EPHA10: variants seen among roughly 807,000 people sequenced by gnomAD.
EPHA10 encodes EPH receptor A10.
Under a neutral mutation model 109.7 loss-of-function variants are expected in EPHA10, and 120 were observed. That is an observed-to-expected ratio of 1.09 (90% CI 0.94 to 1.27). The LOEUF (loss-of-function observed/expected upper bound fraction) is 1.27. Among genes scored for constraint, EPHA10 ranks in the 50% most tolerant of loss-of-function variants. The pLI, the probability that EPHA10 is intolerant of heterozygous loss-of-function variation, is 0.00. For synonymous variants in EPHA10, 640 were observed against 618.9 expected (o/e 1.03, Z -0.51); for missense variants, 1,396 against 1,411.1 (o/e 0.99, Z 0.17).
chr1:37,727,253 C>T (rs548590064), intron 7 of EPHA10, 43 bp from the exon 8 acceptor site: 8 of 1,522,746 alleles, frequency 5.3e-6, no homozygotes, highest in South Asian at 2.5e-5. Context: ...GAGGACCAGG[C>T]TCCTAGGCAA....
chr1:37,718,194 GA>G lies in EPHA10; in HGVS notation c.*177del. The G allele has an allele frequency of 3.2e-6, 2 of 617,610 alleles. No homozygotes were observed. Among genetic ancestry groups the G allele is most frequent in the Non-Finnish European group, 2.9e-6 (1 of 348,040 alleles). The allele number at this position is 617,610 out of a possible 1,614,324, so 38.3% of individuals were successfully genotyped here. A position where few individuals can be genotyped will look rare whatever the true frequency, so the allele number is the denominator to read the frequency against. ...AGTTAGCCAAGGCGTTCAGACTCGT[GA>G]AAATGGGAGGGGCAGGCAGTGAAAG... On this transcript the variant is annotated 3_prime_UTR_variant, in exon 17 of 17. Coordinates refer to ENST00000373048, the MANE Select transcript of EPHA10 (RefSeq NM_001099439.2).
In EPHA10 at chr1:37,715,982, A is replaced by T. The variant is rs764537586; in HGVS notation, c.*2390T>A. On this transcript the variant is annotated 3_prime_UTR_variant, in exon 17 of 17. Transcript: ENST00000373048. ...CACTCAAAGAGGCACCATATCACAG[A>T]CAAGTTTTTATTATCCTGCATAGAG... 6.8e-6 allele frequency: 4 copies of T among 587,774 alleles called. No individual in the cohort carries two copies. The highest frequency in any genetic ancestry group is 1.3e-5 in the Non-Finnish European group (4 of 302,590). 36.4% of individuals were successfully genotyped at this position (587,774 alleles called of 1,614,324 possible). A position where few individuals can be genotyped will look rare whatever the true frequency, so the allele number is the denominator to read the frequency against.
In EPHA10 at chr1:37,716,250, A is replaced by G; in HGVS notation, c.*2122T>C. ...GACCTCACTCCTCAGTGGAGGGGAG[A>G]TCTACCCTGGACACCGAAGTCCTGC... On this transcript the variant is annotated 3_prime_UTR_variant, in exon 17 of 17. Transcript: ENST00000373048. 1 of 292,164 alleles carries G rather than the reference A, an allele frequency of 3.4e-6. No individual in the cohort carries two copies. The highest frequency in any genetic ancestry group is 5.7e-5 in the South Asian group (1 of 17,654). 18.1% of individuals were successfully genotyped at this position (292,164 alleles called of 1,614,324 possible). A position where few individuals can be genotyped will look rare whatever the true frequency, so the allele number is the denominator to read the frequency against.
chr1:37,751,195 T>G (rs1196162990), intron 5 of EPHA10, among the ~76,000 whole-genome samples: 1 of 76,488 alleles, frequency 1.3e-5, no homozygotes. Context: ...AGAGCGAGAC[T>G]CCTCTCAAAA....
rs1006002423 is a variant in EPHA10 at position 37,753,118 on chromosome 1, G to A, written c.1115C>T (p.Thr372Ile). ...GCAGCGCAGGCACAGCAGCGAGTAGGTGACGTCCGAGCGGCCTCCCGAGTC... is the reference window on the plus strand; with the variant it reads ...GCAGCGCAGGCACAGCAGCGAGTAGATGACGTCCGAGCGGCCTCCCGAGTC... ...PADSGGRSDV[T>I]YSLLCLRCGR... is the part of the protein sequence containing the mutation. Residue 372 changes from threonine to isoleucine, a missense_variant, in exon 5 of 17, where the codon ACC (threonine) becomes ATC (isoleucine). Thr to Ile is a moderately conservative substitution (Grantham distance 89, BLOSUM62 -1). Coordinates refer to ENST00000373048, the MANE Select transcript of EPHA10 (RefSeq NM_001099439.2). 2.9e-6 allele frequency: 4 copies of A among 1,401,236 alleles called. No homozygotes were observed. Among genetic ancestry groups the A allele is most frequent in the Middle Eastern group, 2.5e-4 (1 of 3,932 alleles). The allele number at this position is 1,401,236 out of a possible 1,614,324, so 86.8% of individuals were successfully genotyped here.
At chr1:37,730,034 C>CA (rs1209866716) in intron 7 of EPHA10, among the ~76,000 whole-genome samples, 2 of 152,114 alleles carry the variant, frequency 1.3e-5, no homozygotes, top group African/African-American at 4.8e-5. Flanking sequence ...AGCCCTTCTC[C>CA]ACTGACGGTC....
In EPHA10 at chr1:37,735,242, C is replaced by A; in HGVS notation, c.1491+15G>T. ...TGCGGGGCAGGCTCCAGGTCCCTCC[C>A]AGACACGCACTCACCTTCTCGTAGT... On this transcript the variant is annotated intron_variant, in intron 6 of 16. Coordinates refer to ENST00000373048, the MANE Select transcript of EPHA10 (RefSeq NM_001099439.2). 1 of 1,563,976 alleles carries A rather than the reference C, an allele frequency of 6.4e-7. No homozygotes were observed. The highest frequency in any genetic ancestry group is 2.4e-5 in the East Asian group (1 of 41,844).
intron 7 of EPHA10, among the ~76,000 whole-genome samples, chr1:37,728,178 G>A (rs527850618): frequency 7.2e-5 from 11 of 152,268 alleles, no homozygotes; most frequent in Admixed American, 2.6e-4. Flanking sequence ...ATGGCAAGTC[G>A]TCCCCTGTGT....
downstream of EPHA10, chr1:37,714,193 T>G (rs1209939087): frequency 6.6e-6 from 1 of 152,208 alleles, no homozygotes; most frequent in Non-Finnish European, 1.5e-5. Flanking sequence ...CCCCTTGCCC[T>G]AAGCACTTTG....
chr1:37,761,781 G>C lies in EPHA10; in HGVS notation c.474C>G (p.Asp158Glu). 1 of 1,613,734 alleles carries C rather than the reference G, an allele frequency of 6.2e-7. No individual in the cohort carries two copies. The highest frequency in any genetic ancestry group is 8.5e-7 in the Non-Finnish European group (1 of 1,179,810). ...CCAGGTCGCCCTGCGTGAAGCTCTC[G>C]TCCGCCGCGATCGTGTCGATTTTGC... is the stretch of plus-strand genomic sequence containing the variant. The part of the protein sequence containing the change: ...RPRKIDTIAA[D>E]ESFTQGDLGE... Residue 158 changes from aspartate (D) to glutamate (E), a missense_variant, in exon 3 of 17, where the codon GAC (aspartate) becomes GAG (glutamate). Transcript: ENST00000373048.
chr1:37,759,970 T>A (rs1170888759), intron 3 of EPHA10, among the ~76,000 whole-genome samples: 2 of 152,194 alleles, frequency 1.3e-5, no homozygotes, highest in African/African-American at 4.8e-5. Context: ...TTTCTCTAAA[T>A]TACAATTTCC....
At position 37,719,219 on chromosome 1, in the gene EPHA10, G is replaced by A. The variant is rs567896301; in HGVS notation, c.2756+195C>T. ...CCGGGGATGTGGGCAAAATCCAGGA[G>A]AAGCAGAAGTGACCAGGAGGATGTG... On this transcript the variant is annotated intron_variant, in intron 15 of 16. Coordinates refer to ENST00000373048, the MANE Select transcript of EPHA10 (RefSeq NM_001099439.2). Among the ~76,000 whole-genome samples the A allele has an allele frequency of 2.0e-5, 3 of 152,370 alleles. No individual in the cohort carries two copies. In the East Asian group the frequency reaches 5.8e-4, roughly 29 times the overall value.
downstream of EPHA10, among the ~76,000 whole-genome samples, chr1:37,715,610 T>C (rs1437924842): frequency 6.6e-6 from 1 of 152,112 alleles, no homozygotes; most frequent in Non-Finnish European, 1.5e-5. Context: ...CCCACAGGCA[T>C]CTCAAACACA....
chr1:37,743,550 T>G (rs1646186603), intron 5 of EPHA10, among the ~76,000 whole-genome samples: 1 of 152,008 alleles, frequency 6.6e-6, no homozygotes. Context: ...AAGTAAAAAA[T>G]AAGAAGGAAC....
At chr1:37,763,492 C>T (rs1646450628) in intron 1 of EPHA10, among the ~76,000 whole-genome samples, 1 of 152,136 alleles carries the variant, frequency 6.6e-6, no homozygotes, top group Admixed American at 6.5e-5. Flanking sequence ...ATTAAGCTAA[C>T]ATTCACGGTT....
At position 37,716,821 on chromosome 1, in the gene EPHA10, A is replaced by C; in HGVS notation, c.*1551T>G. ...CAAGGCCCTGTTCAACTTACATCTC[A>C]ACTTCACACATTAAGAGAGTGGCTA... On this transcript the variant is annotated 3_prime_UTR_variant, in exon 17 of 17. Transcript: ENST00000373048. 4.3e-6 allele frequency: 1 copy of C among 232,502 alleles called. No individual in the cohort carries two copies. The highest frequency in any genetic ancestry group is 8.5e-6 in the Non-Finnish European group (1 of 117,714). The allele number at this position is 232,502 out of a possible 1,614,324, so 14.4% of individuals were successfully genotyped here.
chr1:37,724,058 T>C (rs550302439), intron 8 of EPHA10, among the ~76,000 whole-genome samples: 2 of 152,374 alleles, frequency 1.3e-5, no homozygotes, highest in African/African-American at 4.8e-5. Flanking sequence ...ATTTGATTTC[T>C]ACTTTAGAAA....
Position 37,723,062 on chromosome 1 carries a change from G to GCGTGA in EPHA10, c.1934_1938dup (p.Leu647SerfsTer30), listed in dbSNP as rs1373315735. ...TTGCCTCCTCCAAGGCTCCTCTCCA[G>GCGTGA]CGTGACGCTTTTCGCATCCAGTTCC... is the stretch of plus-strand genomic sequence containing the variant. On this transcript the variant is annotated frameshift_variant, in exon 10 of 17. Coordinates refer to ENST00000373048, the MANE Select transcript of EPHA10 (RefSeq NM_001099439.2). LOFTEE classifies it high-confidence loss of function. 1 of 1,614,086 alleles carries GCGTGA rather than the reference G, an allele frequency of 6.2e-7. No homozygotes were observed. The highest frequency in any genetic ancestry group is 8.5e-7 in the Non-Finnish European group (1 of 1,180,050).
Position 37,736,664 on chromosome 1 carries a change from C to T in EPHA10, c.1358-1274G>A, listed in dbSNP as rs893459349. On this transcript the variant is annotated intron_variant, in intron 5 of 16. Transcript: ENST00000373048. ...CAGAGGTTACAGTGAGCCGAGATCG[C>T]GCCACTGCACTCCAACCTGGGCAAC... Among the ~76,000 whole-genome samples the T allele has an allele frequency of 5.3e-5, 8 of 151,284 alleles. No homozygotes were observed. In the South Asian group the frequency reaches 8.4e-4, roughly 16 times the overall value.
Sources: allele counts gnomAD v4.1 joint callset (sites outside exome capture counted in the v4.1 genomes callset), GRCh38; gene constraint gnomAD v4.1.1; transcripts MANE v1.5; gene names NCBI Gene and HGNC (gene_info 2026-07-23, HGNC 2026-07-21).